UEVLD: variants seen among roughly 807,000 people sequenced by gnomAD.
The protein encoded by UEVLD is ubiquitin-conjugating enzyme E2 variant 3.
UEVLD carries 47 observed loss-of-function variants against 58.6 expected under a neutral mutation model. That is an observed-to-expected ratio of 0.80 (90% CI 0.63 to 1.02). The LOEUF (loss-of-function observed/expected upper bound fraction) is 1.02. Among genes scored for constraint, UEVLD ranks in the 50% least tolerant of loss-of-function variants. UEVLD has a pLI of 0.00. For missense variants in UEVLD, 510 were observed against 550.6 expected, an observed-to-expected ratio of 0.93 and a Z score of 0.74; for synonymous variants, 197 against 195.3, an observed-to-expected ratio of 1.01 and a Z score of -0.07.
intron 4 of UEVLD, 44 bp downstream of exon 4, chr11:18,570,170 A>T: frequency 4.2e-6 from 5 of 1,185,122 alleles, no homozygotes; most frequent in Non-Finnish European, 5.7e-6. Context: ...TAGGTATTTA[A>T]AAAAAAAAAA....
At chr11:18,545,076 T>TATAGA (rs72240623) in intron 8 of UEVLD, among the ~76,000 whole-genome samples, 40 of 34,408 alleles carry the variant, frequency 1.2e-3, no homozygotes, top group Non-Finnish European at 1.9e-3. Flanking sequence ...ATATCTATAT[T>TATAGA]TTTTTTTTTT....
chr11:18,556,961 G>A (rs1851778053), intron 7 of UEVLD, among the ~76,000 whole-genome samples: 1 of 151,584 alleles, frequency 6.6e-6, no homozygotes, highest in Non-Finnish European at 1.5e-5. Context: ...GTGTGGTGGT[G>A]CATGCCTATA....
rs1246156488 is a variant in UEVLD at position 18,566,342 on chromosome 11, C to T, written c.493+5G>A. On this transcript the variant is annotated splice_donor_5th_base_variant and intron_variant, in intron 5 of 11. Coordinates refer to ENST00000396197, the MANE Select transcript of UEVLD (RefSeq NM_001040697.4). ...CAAGATAATCTGCCTGACAAATATACAAACCTTCAGTGATTTTTGCAATAT... is the reference window on the plus strand; with the variant it reads ...CAAGATAATCTGCCTGACAAATATATAAACCTTCAGTGATTTTTGCAATAT... The T allele has an allele frequency of 2.5e-6, 4 of 1,613,658 alleles. No homozygotes were observed. In the African/African-American group the frequency reaches 5.3e-5, roughly 22 times the overall value.
At chr11:18,565,133 G>A in intron 5 of UEVLD, 123 bp from the exon 6 acceptor site, 2 of 619,690 alleles carry the variant, frequency 3.2e-6, no homozygotes, top group Non-Finnish European at 5.5e-6. Flanking sequence ...GTCCATAATG[G>A]GCAAAAAATA....
chr11:18,585,826 G>C (rs1302398061), intron 1 of UEVLD, among the ~76,000 whole-genome samples: 1 of 152,068 alleles, frequency 6.6e-6, no homozygotes, highest in Non-Finnish European at 1.5e-5. Flanking sequence ...GGAGAGACGA[G>C]GTTTCACCAT....
chr11:18,545,436 TTTTGTTTG>T (rs1053578319), intron 8 of UEVLD, among the ~76,000 whole-genome samples: 3 of 150,366 alleles, frequency 2.0e-5, no homozygotes, highest in Non-Finnish European at 3.0e-5. Flanking sequence ...TTTTACTGTG[TTTTGTTTG>T]TTTGTTTGTT....
chr11:18,548,308 A>G (rs1851382444), intron 7 of UEVLD, among the ~76,000 whole-genome samples: 3 of 152,248 alleles, frequency 2.0e-5, no homozygotes, highest in Non-Finnish European at 4.4e-5. Flanking sequence ...AAATAAGAGA[A>G]CCATAATAAA....
chr11:18,581,111 G>A (rs142218098), intron 1 of UEVLD, among the ~76,000 whole-genome samples: 91 of 149,860 alleles, frequency 6.1e-4, no homozygotes, highest in African/African-American at 2.1e-3. Context: ...GCAGTGGGCC[G>A]AGATGGTGCC....
intron 4 of UEVLD, among the ~76,000 whole-genome samples, chr11:18,567,229 T>C (rs780844714): frequency 2.0e-5 from 3 of 152,250 alleles, no homozygotes; most frequent in East Asian, 3.8e-4. Flanking sequence ...TAAGCAACCT[T>C]GATGAAATTC....
At chr11:18,563,691 A>G in intron 6 of UEVLD, 4 of 985,698 alleles carry the variant, frequency 4.1e-6, no homozygotes, top group Non-Finnish European at 4.8e-6. Context: ...AAGACTGAAT[A>G]CAACTCAAAT....
At position 18,539,867 on chromosome 11, in the gene UEVLD, T is replaced by C. The variant is rs370897051; in HGVS notation, c.1061-3398A>G. On this transcript the variant is annotated intron_variant, in intron 9 of 11. Transcript: ENST00000396197. The stretch of plus-strand genomic sequence containing the variant: ...ATAGACCTAAAGGTCTTGTATGTCA[T>C]GTGATTCCTCCCTAGGCTGTAGCTG... 3.9e-5 allele frequency among the ~76,000 whole-genome samples: 6 copies of C among 152,358 alleles called. No homozygotes were observed. In the East Asian group the frequency reaches 9.6e-4, roughly 24 times the overall value.
intron 2 of UEVLD, among the ~76,000 whole-genome samples, 165 bp downstream of exon 2, chr11:18,578,559 T>C (rs1853056993): frequency 2.6e-5 from 4 of 152,236 alleles, no homozygotes; most frequent in Admixed American, 2.6e-4. Context: ...TAATACAAGA[T>C]ACATTGTATT....
Position 18,566,443 on chromosome 11 carries a change from C to T in UEVLD, c.397G>A (p.Ala133Thr). ...ATGGGAAGTTCCTCTTGAAACTTGG[C>T]AATCATTTCTTTAATTAATCCAACA... is the stretch of plus-strand genomic sequence containing the variant. ...VIVGLIKEMI[A>T]KFQEELPMYS... The change falls in exon 5 of 12, where the codon GCC becomes ACC. Residue 133 changes from alanine to threonine, a missense_variant. Ala to Thr is a moderately conservative substitution (Grantham distance 58). Coordinates refer to ENST00000396197, the MANE Select transcript of UEVLD (RefSeq NM_001040697.4). 6.2e-7 allele frequency: 1 copy of T among 1,613,976 alleles called. No individual in the cohort carries two copies. The highest frequency in any genetic ancestry group is 8.5e-7 in the Non-Finnish European group (1 of 1,180,006).
intron 1 of UEVLD, among the ~76,000 whole-genome samples, chr11:18,583,595 T>C (rs1461908651): frequency 1.3e-5 from 2 of 151,534 alleles, no homozygotes; most frequent in Admixed American, 6.6e-5. Flanking sequence ...AATAATACTT[T>C]GTAGTATCAT....
intron 8 of UEVLD, 43 bp downstream of exon 8, chr11:18,546,837 G>A (rs922883523): frequency 6.3e-7 from 1 of 1,599,496 alleles, no homozygotes; most frequent in Non-Finnish European, 8.5e-7. Flanking sequence ...CAATTCTACT[G>A]ATGTACTGGA....
chr11:18,554,010 T>A (rs947011101), intron 7 of UEVLD, among the ~76,000 whole-genome samples: 1 of 152,192 alleles, frequency 6.6e-6, no homozygotes, highest in African/African-American at 2.4e-5. Flanking sequence ...ATAAAAGGAT[T>A]TAAATATATA....
chr11:18,566,589 G>A, intron 4 of UEVLD, 107 bp from the exon 5 acceptor site: 2 of 1,197,440 alleles, frequency 1.7e-6, no homozygotes, highest in South Asian at 1.5e-5. Context: ...CAGATGCAGT[G>A]AGTTATGGTT....
intron 3 of UEVLD, chr11:18,570,586 A>C: frequency 3.4e-6 from 1 of 297,210 alleles, no homozygotes; most frequent in Non-Finnish European, 6.1e-6. Context: ...TCTCTACAAA[A>C]AATTTTAAAA....
intron 7 of UEVLD, among the ~76,000 whole-genome samples, chr11:18,547,358 T>C (rs1056892382): frequency 2.0e-5 from 3 of 152,224 alleles, no homozygotes; most frequent in South Asian, 2.1e-4. Context: ...AAACCCTGTC[T>C]CTACTAAAAT....
Sources: allele counts gnomAD v4.1 joint callset (sites outside exome capture counted in the v4.1 genomes callset), GRCh38; gene constraint gnomAD v4.1.1; transcripts MANE v1.5; gene names NCBI Gene and HGNC (gene_info 2026-07-23, HGNC 2026-07-21).